Variants in ULK4 observed in about 807,000 individuals in gnomAD.
ULK4 encodes unc-51 like kinase 4.
A neutral mutation model predicts 160.6 loss-of-function variants in ULK4; 133 were observed. The observed-to-expected ratio is 0.83, with a 90% CI of 0.72 to 0.96. The LOEUF is 0.96. Among genes scored for constraint, ULK4 ranks in the 40% least tolerant of loss-of-function variants. The pLI is 0.00. For missense variants in ULK4, 1,580 were observed against 1,499.5 expected, an observed-to-expected ratio of 1.05 and a Z score of -0.89; for synonymous variants, 534 against 539.8, an observed-to-expected ratio of 0.99 and a Z score of 0.15.
intron 21 of ULK4, among the ~76,000 whole-genome samples, chr3:41,772,844 C>T (rs1215612117): frequency 6.6e-6 from 1 of 152,166 alleles, no homozygotes; most frequent in Non-Finnish European, 1.5e-5. Flanking sequence ...AAACCAAATC[C>T]AGCAGCACAT....
At chr3:41,647,608 G>A (rs1559459314) in intron 30 of ULK4, among the ~76,000 whole-genome samples, 1 of 152,208 alleles carries the variant, frequency 6.6e-6, no homozygotes, top group Non-Finnish European at 1.5e-5. Context: ...CCCCTACTCG[G>A]GGGTGCCTCC....
At chr3:41,927,880 G>C (rs1699439984) in intron 5 of ULK4, among the ~76,000 whole-genome samples, 1 of 152,058 alleles carries the variant, frequency 6.6e-6, no homozygotes, top group Admixed American at 6.6e-5. Context: ...TCTACAAAGA[G>C]ACATAGACTC....
At chr3:41,325,289 G>A (rs2080319351) in intron 35 of ULK4, among the ~76,000 whole-genome samples, 2 of 152,168 alleles carry the variant, frequency 1.3e-5, no homozygotes, top group South Asian at 4.1e-4. Context: ...CCAGGAGGTG[G>A]GGGTATCTGG....
chr3:41,839,077 A>T (rs2041838748), intron 17 of ULK4, among the ~76,000 whole-genome samples: 1 of 152,148 alleles, frequency 6.6e-6, no homozygotes, highest in Admixed American at 6.6e-5. Flanking sequence ...CGGCCAGGCA[A>T]GGTGGCTCAT....
At chr3:41,496,228 C>G (rs1213568703) in intron 32 of ULK4, among the ~76,000 whole-genome samples, 2 of 152,022 alleles carry the variant, frequency 1.3e-5, no homozygotes, top group African/African-American at 2.4e-5. Context: ...AAATGCTCAT[C>G]ATAAGTAAAC....
rs150913697 is a variant in ULK4 at position 41,908,463 on chromosome 3, T to C, written c.1086-522A>G. On this transcript the variant is annotated intron_variant, in intron 11 of 36. Transcript: ENST00000301831. ...GAGCTTTTCACTTTTTTTTTCTTTT[T>C]GAGATGGAGTCTTGCTCTGTCACCC... Among the ~76,000 whole-genome samples, 1,022 of 152,224 alleles carry C rather than the reference T, an allele frequency of 6.7e-3. 10 individuals carry two copies. The highest frequency in any genetic ancestry group is 0.024 in the African/African-American group (982 of 41,536).
intron 35 of ULK4, among the ~76,000 whole-genome samples, chr3:41,368,379 A>G (rs543879743): frequency 6.6e-6 from 1 of 152,312 alleles, no homozygotes; most frequent in African/African-American, 2.4e-5. Context: ...TAACAAATTC[A>G]CATACCATAA....
chr3:41,816,421 A>G (rs765488206), intron 19 of ULK4, among the ~76,000 whole-genome samples: 4 of 152,204 alleles, frequency 2.6e-5, no homozygotes, highest in Non-Finnish European at 5.9e-5. Context: ...CAAGTTTAAG[A>G]CTTCACAAGC....
chr3:41,800,617 A>C (rs1204732465), intron 19 of ULK4, among the ~76,000 whole-genome samples: 1 of 152,196 alleles, frequency 6.6e-6, no homozygotes, highest in East Asian at 1.9e-4. Context: ...AAAATAAACA[A>C]AATAACTATA....
intron 27 of ULK4, among the ~76,000 whole-genome samples, chr3:41,698,054 T>C (rs1032930244): frequency 3.3e-5 from 5 of 152,226 alleles, no homozygotes; most frequent in African/African-American, 9.6e-5. Flanking sequence ...TGCAGTAACA[T>C]GCTGTACAGG....
At chr3:41,691,002 A>T (rs1402999450) in intron 27 of ULK4, among the ~76,000 whole-genome samples, 1 of 151,848 alleles carries the variant, frequency 6.6e-6, no homozygotes, top group East Asian at 1.9e-4. Flanking sequence ...TATTGGTCAC[A>T]GTCAGTGCTA....
intron 35 of ULK4, among the ~76,000 whole-genome samples, chr3:41,381,720 C>A (rs1181603520): frequency 6.6e-6 from 1 of 152,194 alleles, no homozygotes; most frequent in African/African-American, 2.4e-5. Flanking sequence ...TTATCCTTCA[C>A]CCTCTTCAAT....
At chr3:41,931,698 T>C (rs1575972461) in intron 5 of ULK4, 146 bp downstream of exon 5, 1 of 1,003,980 alleles carries the variant, frequency 1.0e-6, no homozygotes, top group East Asian at 2.4e-5. Context: ...AAGCCATTCC[T>C]ATGCCCAGAC....
chr3:41,402,815 C>T (rs1208609426), intron 34 of ULK4, among the ~76,000 whole-genome samples: 1 of 151,944 alleles, frequency 6.6e-6, no homozygotes, highest in Non-Finnish European at 1.5e-5. Flanking sequence ...TTGGAGAGGA[C>T]TTTGTCTTAG....
intron 30 of ULK4, among the ~76,000 whole-genome samples, chr3:41,645,791 G>A (rs2034460902): frequency 6.6e-6 from 1 of 152,124 alleles, no homozygotes; most frequent in African/African-American, 2.4e-5. Flanking sequence ...TGACAGTAGG[G>A]TGTCAAAGTC....
chr3:41,442,059 T>C (rs776159527), intron 34 of ULK4, among the ~76,000 whole-genome samples: 1 of 152,216 alleles, frequency 6.6e-6, no homozygotes, highest in Non-Finnish European at 1.5e-5. Context: ...TGTGTCTTTA[T>C]AGCTAAGATA....
At chr3:41,644,450 T>A (rs1450995143) in intron 30 of ULK4, among the ~76,000 whole-genome samples, 2 of 152,228 alleles carry the variant, frequency 1.3e-5, no homozygotes, top group Non-Finnish European at 2.9e-5. Flanking sequence ...ATTGAGATAA[T>A]CATGTGGTTT....
Position 41,453,372 on chromosome 3 carries a change from C to T in ULK4, c.3492+2125G>A, listed in dbSNP as rs145086215. On this transcript the variant is annotated intron_variant, in intron 34 of 36. Coordinates refer to ENST00000301831, the MANE Select transcript of ULK4 (RefSeq NM_017886.4). ...TAAACATTTTTGTAGAGACGGAGTC[C>T]TGCTATGTTGCCTAGGCTAGTCTCA... 2.6e-4 allele frequency among the ~76,000 whole-genome samples: 39 copies of T among 152,018 alleles called. 1 individual carries two copies. In the East Asian group the frequency reaches 7.2e-3, roughly 28 times the overall value.
chr3:41,349,911 A>G (rs1302977093), intron 35 of ULK4, among the ~76,000 whole-genome samples: 2 of 152,190 alleles, frequency 1.3e-5, no homozygotes, highest in African/African-American at 4.8e-5. Flanking sequence ...GGCCGCACAC[A>G]TCTTTCTGAA....
Sources: gnomAD v4.1 joint callset for allele counts (sites outside exome capture counted in the v4.1 genomes callset) on GRCh38, gnomAD v4.1.1 for gene constraint, MANE v1.5 for transcripts, NCBI Gene and HGNC (gene_info 2026-07-23, HGNC 2026-07-21) for gene names.